Variants in LTBP1 observed in about 807,000 individuals in gnomAD.
LTBP1 encodes the protein latent-transforming growth factor beta-binding protein 1.
LTBP1 carries 129 observed loss-of-function variants against 207.6 expected under a neutral mutation model. The ratio of observed to expected loss-of-function variants is 0.62; its 90% CI spans 0.54 to 0.72. LTBP1 has a LOEUF of 0.72. LTBP1 is among the 30% of genes least tolerant of loss of function. The probability of loss-of-function intolerance (pLI) is 0.00; values close to 1 mark genes in which losing one functional copy is unlikely to be tolerated. For missense variants in LTBP1, 2,281 were observed against 2,217.2 expected (o/e 1.03, Z -0.58); for synonymous variants, 963 against 833.7 (o/e 1.16, Z -2.67).
At chr2:33,015,701 A>G (rs1235944199) in intron 2 of LTBP1, among the ~76,000 whole-genome samples, 1 of 152,168 alleles carries the variant, frequency 6.6e-6, no homozygotes, top group East Asian at 1.9e-4. Flanking sequence ...GCGATTTATA[A>G]AGAAAAGAGG....
At chr2:33,296,941 A>T (rs12987969) in intron 20 of LTBP1, among the ~76,000 whole-genome samples, 119,549 of 152,124 alleles carry the variant, frequency 0.79, 47,467 homozygotes, top group African/African-American at 0.87. Flanking sequence ...AATGAGTTAA[A>T]GCAGGGGCAG....
At chr2:33,299,676 C>T (rs181778560) in intron 20 of LTBP1, among the ~76,000 whole-genome samples, 44 of 152,202 alleles carry the variant, frequency 2.9e-4, no homozygotes, top group Admixed American at 1.9e-3. Flanking sequence ...CTGCTTAGGT[C>T]GGACCAATAT....
At chr2:33,212,888 C>A (rs887163515) in intron 7 of LTBP1, among the ~76,000 whole-genome samples, 5 of 152,208 alleles carry the variant, frequency 3.3e-5, no homozygotes, top group Non-Finnish European at 7.3e-5. Context: ...ATTCTAAAAT[C>A]TGAAAATAAC....
intron 3 of LTBP1, among the ~76,000 whole-genome samples, chr2:33,106,438 A>G (rs2080071526): frequency 6.6e-6 from 1 of 152,212 alleles, no homozygotes; most frequent in African/African-American, 2.4e-5. Context: ...TAAGCAATGC[A>G]TTTCTTAGAT....
At chr2:33,158,794 C>G (rs980357760) in intron 5 of LTBP1, among the ~76,000 whole-genome samples, 3 of 152,210 alleles carry the variant, frequency 2.0e-5, no homozygotes. Context: ...GGCTTCTCCA[C>G]TCCTCTCCCT....
Position 33,175,960 on chromosome 2 carries a change from A to T in LTBP1, c.1202-10896A>T, listed in dbSNP as rs953328505. The stretch of plus-strand genomic sequence containing the variant: ...CATAGGTGGGAATTGAACAGTGAGA[A>T]CCCATGGACACAGGAAGGGGAACAT... On this transcript the variant is annotated intron_variant, in intron 5 of 33. Coordinates refer to ENST00000404816, the MANE Select transcript of LTBP1 (RefSeq NM_206943.4). 5.7e-5 allele frequency among the ~76,000 whole-genome samples: 6 copies of T among 104,594 alleles called. 1 individual carries two copies. The highest frequency in any genetic ancestry group is 9.8e-5 in the Non-Finnish European group (5 of 50,832). 68.6% of individuals were successfully genotyped at this position (104,594 alleles called of 152,430 possible). A position where few individuals can be genotyped will look rare whatever the true frequency, so the allele number is the denominator to read the frequency against.
intron 3 of LTBP1, among the ~76,000 whole-genome samples, chr2:33,038,931 G>C (rs545433559): frequency 2.0e-5 from 3 of 152,316 alleles, no homozygotes; most frequent in Non-Finnish European, 4.4e-5. Context: ...CTGCCTCTGG[G>C]TGCCTGCCTC....
At chr2:33,363,327 C>G (rs2094947282) in intron 28 of LTBP1, 63 bp from the exon 29 acceptor site, 3 of 1,558,726 alleles carry the variant, frequency 1.9e-6, no homozygotes, top group Admixed American at 3.5e-5. Flanking sequence ...TCTGGTTAGA[C>G]TCTTTTTAAT....
chr2:32,978,164 AG>A (rs1316783771), intron 2 of LTBP1, among the ~76,000 whole-genome samples: 2 of 152,142 alleles, frequency 1.3e-5, no homozygotes, highest in African/African-American at 4.8e-5. Context: ...TCTGCAAACA[AG>A]GATAATTTGA....
chr2:33,045,269 C>T (rs1330072024), intron 3 of LTBP1, among the ~76,000 whole-genome samples: 1 of 152,126 alleles, frequency 6.6e-6, no homozygotes, highest in Non-Finnish European at 1.5e-5. Flanking sequence ...AGTCTTTAGT[C>T]CATCTTGAGT....
intron 7 of LTBP1, among the ~76,000 whole-genome samples, chr2:33,195,294 G>A (rs887020214): frequency 3.3e-5 from 5 of 152,150 alleles, no homozygotes; most frequent in Admixed American, 6.6e-5. Context: ...TCTGGGCAAA[G>A]TAAATAAAAA....
At position 32,960,288 on chromosome 2, in the gene LTBP1, C is replaced by A. The variant is rs1331680767; in HGVS notation, c.565+11343C>A. ...AATGCTTGTCACATTGCATCACAGA[C>A]ATTTATGTATTGTCTGGCATTGCTG... On this transcript the variant is annotated intron_variant, in intron 2 of 33. Coordinates refer to ENST00000404816, the MANE Select transcript of LTBP1 (RefSeq NM_206943.4). 2.0e-5 allele frequency among the ~76,000 whole-genome samples: 3 copies of A among 152,100 alleles called. No homozygotes were observed. In the East Asian group the frequency reaches 5.8e-4, roughly 29 times the overall value.
At chr2:33,180,520 C>G (rs559753701) in intron 5 of LTBP1, among the ~76,000 whole-genome samples, 1 of 150,162 alleles carries the variant, frequency 6.7e-6, no homozygotes, top group East Asian at 2.0e-4. Context: ...GGTGCAATCT[C>G]AGCTCAGTGC....
rs1309595131 is a variant in LTBP1, at chr2:33,004,025, CCCTTGTTTT to C, written c.566-16879_566-16871del. On this transcript the variant is annotated intron_variant, in intron 2 of 33. Transcript: ENST00000404816. The stretch of plus-strand genomic sequence containing the variant: ...GCCATCCTTATTTTTCCTTGAAAAG[CCCTTGTTTT>C]CCTTTATCTCCCTGAATACACTCAC... Among the ~76,000 whole-genome samples, 13 of 152,248 alleles carry C rather than the reference CCCTTGTTTT, an allele frequency of 8.5e-5. No individual in the cohort carries two copies. In the South Asian group the frequency reaches 2.7e-3, roughly 32 times the overall value.
rs546723784 is a variant in LTBP1, at chr2:32,953,504, G to A, written c.565+4559G>A. ...CTTGTCATGTGACACAGACAACCTC[G>A]GTGAAGAGAGAGGAACCCAGAGGTC... On this transcript the variant is annotated intron_variant, in intron 2 of 33. Coordinates refer to ENST00000404816, the MANE Select transcript of LTBP1 (RefSeq NM_206943.4). Among the ~76,000 whole-genome samples the A allele has an allele frequency of 4.6e-5, 7 of 152,292 alleles. No individual in the cohort carries two copies. The South Asian group carries it at 6.2e-4, about 14-fold the overall frequency.
At chr2:33,022,827 T>C (rs953319402) in intron 3 of LTBP1, among the ~76,000 whole-genome samples, 1 of 152,242 alleles carries the variant, frequency 6.6e-6, no homozygotes, top group Non-Finnish European at 1.5e-5. Flanking sequence ...GACTGTGTTC[T>C]AATAAAACTT....
chr2:33,288,600 A>G (rs2093711614), intron 19 of LTBP1, among the ~76,000 whole-genome samples: 1 of 152,160 alleles, frequency 6.6e-6, no homozygotes, highest in Non-Finnish European at 1.5e-5. Flanking sequence ...TCACGCCTGT[A>G]ATCTCAGCAC....
intron 22 of LTBP1, among the ~76,000 whole-genome samples, chr2:33,305,570 G>A (rs921488235): frequency 2.6e-5 from 4 of 152,146 alleles, no homozygotes; most frequent in South Asian, 2.1e-4. Flanking sequence ...GGGGCACCAC[G>A]TCAGCACTTT....
At chr2:33,123,666 T>G (rs1476985069) in intron 4 of LTBP1, among the ~76,000 whole-genome samples, 1 of 152,232 alleles carries the variant, frequency 6.6e-6, no homozygotes, top group Non-Finnish European at 1.5e-5. Context: ...TGAATTGTAT[T>G]CTTGTTATCA....
Sources: allele counts gnomAD v4.1 joint callset (sites outside exome capture counted in the v4.1 genomes callset), GRCh38; gene constraint gnomAD v4.1.1; transcripts MANE v1.5; gene names NCBI Gene and HGNC (gene_info 2026-07-23, HGNC 2026-07-21).